GPHN: variants seen among roughly 807,000 people sequenced by gnomAD.
GPHN encodes gephyrin.
Under a neutral mutation model 95.5 loss-of-function variants are expected in GPHN, and 17 were observed. The observed-to-expected ratio is 0.18, with a 90% CI of 0.12 to 0.27. The LOEUF is 0.27. Ranked by LOEUF, GPHN falls within the 10% of genes least tolerant of loss-of-function variation. The pLI is 1.00. For synonymous variants in GPHN, 320 were observed against 322.5 expected, an observed-to-expected ratio of 0.99 and a Z score of 0.08; for missense variants, 660 against 978.1, an observed-to-expected ratio of 0.67 and a Z score of 4.34.
chr14:66,930,525 G>GTTT (rs59312092), intron 8 of GPHN, among the ~76,000 whole-genome samples: 3 of 130,862 alleles, frequency 2.3e-5, no homozygotes, highest in Admixed American at 7.7e-5. Flanking sequence ...AAAGTTGTAG[G>GTTT]TTTTTTTTTT....
chr14:67,044,638 C>T (rs1425626595), intron 10 of GPHN, among the ~76,000 whole-genome samples: 1 of 152,190 alleles, frequency 6.6e-6, no homozygotes, highest in African/African-American at 2.4e-5. Context: ...AGTGCTGCTG[C>T]TGCTTTTGTT....
intron 8 of GPHN, among the ~76,000 whole-genome samples, chr14:66,952,365 T>C (rs1306207544): frequency 2.7e-5 from 4 of 150,522 alleles, no homozygotes; most frequent in Admixed American, 2.6e-4. Context: ...CATGTATCAG[T>C]ACTCCTTTTT....
the GPHN span, chr14:67,663,048 T>A: frequency 1.4e-6 from 2 of 1,441,876 alleles, no homozygotes; most frequent in South Asian, 3.1e-5. Context: ...TGAGAGGCTG[T>A]CTGGTGTGGT....
At chr14:66,827,187 A>G (rs2061417323) in intron 4 of GPHN, among the ~76,000 whole-genome samples, 1 of 152,040 alleles carries the variant, frequency 6.6e-6, no homozygotes, top group Non-Finnish European at 1.5e-5. Flanking sequence ...TGGGTAGCTG[A>G]GGCATGAGAA....
intron 2 of GPHN, among the ~76,000 whole-genome samples, chr14:66,740,844 T>C (rs992227243): frequency 1.2e-4 from 18 of 152,184 alleles, no homozygotes; most frequent in African/African-American, 4.1e-4. Flanking sequence ...ATTTAGTAAG[T>C]GTCTTAGTTC....
At chr14:66,917,792 A>G (rs1250971682) in intron 6 of GPHN, among the ~76,000 whole-genome samples, 2 of 152,296 alleles carry the variant, frequency 1.3e-5, no homozygotes, top group South Asian at 4.1e-4. Context: ...CCATTAACTA[A>G]TCACAGTAAA....
At chr14:66,699,345 TATA>T (rs936411683) in intron 2 of GPHN, among the ~76,000 whole-genome samples, 5 of 151,632 alleles carry the variant, frequency 3.3e-5, no homozygotes, top group Non-Finnish European at 4.4e-5. Context: ...AAACTTAAAG[TATA>T]ATAATAATTA....
chr14:67,365,014 T>C, the GPHN span: 5 of 1,578,828 alleles, frequency 3.2e-6, no homozygotes, highest in Non-Finnish European at 4.3e-6. Context: ...AAAAGGTAAG[T>C]GAGAAAAATA....
In GPHN at chr14:66,962,443, C is replaced by A. The variant is rs147841752; in HGVS notation, c.829-2748C>A. 8.2e-3 allele frequency among the ~76,000 whole-genome samples: 1,248 copies of A among 151,286 alleles called. 19 individuals carry two copies. Among genetic ancestry groups the A allele is most frequent in the East Asian group, 0.055 (284 of 5,142 alleles). Reference sequence around the variant, plus strand: ...GGATCCACAATGGTAATTGAAAATTCTTTTGCCTTACCCATCATTTTCATT... The same window carrying A: ...GGATCCACAATGGTAATTGAAAATTATTTTGCCTTACCCATCATTTTCATT... On this transcript the variant is annotated intron_variant, in intron 8 of 22. Transcript: ENST00000478722.
chr14:66,842,799 T>C, intron 4 of GPHN: 1 of 979,580 alleles, frequency 1.0e-6, no homozygotes, highest in South Asian at 1.5e-5. Context: ...TCATAAAAAA[T>C]GCTTGGATCC....
chr14:67,435,194 T>C, the GPHN span, among the ~76,000 whole-genome samples: 2 of 152,162 alleles, frequency 1.3e-5, no homozygotes. Context: ...CTCAAACTCC[T>C]GACCTCAGGT....
chr14:66,750,214 T>G (rs937375225), intron 2 of GPHN, among the ~76,000 whole-genome samples: 1 of 151,918 alleles, frequency 6.6e-6, no homozygotes, highest in Non-Finnish European at 1.5e-5. Flanking sequence ...TATTTTTATG[T>G]TTTACATTTA....
intron 5 of GPHN, among the ~76,000 whole-genome samples, chr14:66,888,594 TA>T (rs1212601391): frequency 6.6e-6 from 1 of 151,922 alleles, no homozygotes; most frequent in Non-Finnish European, 1.5e-5. Context: ...GGATGTACAT[TA>T]AAAAAATGAG....
chr14:67,333,057 C>T, the GPHN span: 1 of 1,039,164 alleles, frequency 9.6e-7, no homozygotes, highest in Non-Finnish European at 1.4e-6. Flanking sequence ...AGATGGAAGG[C>T]AGCAGTATAA....
At chr14:67,722,332 G>T in the GPHN span, 3 of 480,218 alleles carry the variant, frequency 6.2e-6, no homozygotes, top group African/African-American at 3.9e-5. Flanking sequence ...AGGATGGGGG[G>T]TTTAGGGGGT....
rs575064140 is a variant in GPHN at position 67,094,878 on chromosome 14, A to G, written c.1237+5803A>G. Among the ~76,000 whole-genome samples the G allele has an allele frequency of 2.0e-5, 3 of 152,306 alleles. No individual in the cohort carries two copies. The East Asian group carries it at 5.8e-4, about 29-fold the overall frequency. On this transcript the variant is annotated intron_variant, in intron 12 of 22. Coordinates refer to ENST00000478722, the MANE Select transcript of GPHN (RefSeq NM_020806.5). Reference sequence around the variant, plus strand: ...ATATGTTTAGATACACAAATACTTAACATTGTGTTACAGTTGCCTATAGTA... The same window carrying G: ...ATATGTTTAGATACACAAATACTTAGCATTGTGTTACAGTTGCCTATAGTA...
intron 2 of GPHN, among the ~76,000 whole-genome samples, chr14:66,743,619 G>A (rs1798428380): frequency 6.6e-6 from 1 of 152,154 alleles, no homozygotes; most frequent in Non-Finnish European, 1.5e-5. Flanking sequence ...GCTGGTGCCT[G>A]CAGTCCCAGC....
chr14:67,479,914 G>C, the GPHN span, among the ~76,000 whole-genome samples: 1 of 152,142 alleles, frequency 6.6e-6, no homozygotes, highest in Non-Finnish European at 1.5e-5. Flanking sequence ...TGGCCAGCTG[G>C]TTAAGTTCAG....
chr14:67,028,697 A>G (rs1251536868), intron 10 of GPHN, among the ~76,000 whole-genome samples: 1 of 152,058 alleles, frequency 6.6e-6, no homozygotes, highest in African/African-American at 2.4e-5. Context: ...TAATTTGATT[A>G]CTTTTTAATG....
Sources: allele counts gnomAD v4.1 joint callset (sites outside exome capture counted in the v4.1 genomes callset), GRCh38; gene constraint gnomAD v4.1.1; transcripts MANE v1.5; gene names NCBI Gene and HGNC (gene_info 2026-07-23, HGNC 2026-07-21).